Variants in TFAP4 observed in about 807,000 individuals in gnomAD.
The protein encoded by TFAP4 is activating enhancer-binding protein 4.
A neutral mutation model predicts 40.4 loss-of-function variants in TFAP4; 7 were observed. That is an observed-to-expected ratio of 0.17 (90% CI 0.10 to 0.33). The LOEUF (loss-of-function observed/expected upper bound fraction) is 0.33. Ranked by LOEUF, TFAP4 falls within the 10% of genes least tolerant of loss-of-function variation. The pLI, the probability that TFAP4 is intolerant of heterozygous loss-of-function variation, is 1.00. For synonymous variants in TFAP4, 218 were observed against 181.4 expected (o/e 1.20, Z -1.62); for missense variants, 374 against 451.1 (o/e 0.83, Z 1.55).
intron 6 of TFAP4, among the ~76,000 whole-genome samples, chr16:4,259,130 T>A (rs751176240): frequency 6.6e-6 from 1 of 151,852 alleles, no homozygotes. Flanking sequence ...ACCTTTCATA[T>A]GTTTTTGTTT....
chr16:4,267,296 A>T (rs1172888741), intron 1 of TFAP4: 4 of 152,326 alleles, frequency 2.6e-5, no homozygotes, highest in Non-Finnish European at 4.4e-5. Context: ...GGCCTCCCAA[A>T]GTGCTGGGAT....
At chr16:4,260,676 C>G (rs2052940101) in intron 4 of TFAP4, 81 bp from the exon 5 acceptor site, 5 of 1,466,876 alleles carry the variant, frequency 3.4e-6, no homozygotes, top group Non-Finnish European at 3.6e-6. Context: ...CTCATTCACT[C>G]CTGCTGAAAA....
At chr16:4,268,359 T>C (rs1008058199) in intron 1 of TFAP4, among the ~76,000 whole-genome samples, 3 of 152,132 alleles carry the variant, frequency 2.0e-5, no homozygotes, top group Non-Finnish European at 4.4e-5. Context: ...TGCACCCAGG[T>C]GTCCAGGACA....
rs1202062068 is a variant in TFAP4, at chr16:4,261,342, C to T, written c.525+437G>A. The stretch of plus-strand genomic sequence containing the variant: ...TCTCCCAGACTGGAGTGCAGTGGCA[C>T]GATCTCGGCTCACTGCAAGCTCTGC... On this transcript the variant is annotated intron_variant, in intron 4 of 6. Coordinates refer to ENST00000204517, the MANE Select transcript of TFAP4 (RefSeq NM_003223.3). Among the ~76,000 whole-genome samples the T allele has an allele frequency of 2.0e-5, 3 of 151,830 alleles. No homozygotes were observed. The East Asian group carries it at 5.8e-4, about 29-fold the overall frequency.
At chr16:4,267,777 A>G (rs1396290084) in intron 1 of TFAP4, among the ~76,000 whole-genome samples, 1 of 152,222 alleles carries the variant, frequency 6.6e-6, no homozygotes, top group Non-Finnish European at 1.5e-5. Context: ...TCCCAAACCC[A>G]AAAAAGCACT....
Position 4,258,028 on chromosome 16 carries a change from G to T in TFAP4, c.*27C>A, listed in dbSNP as rs371516876. On this transcript the variant is annotated 3_prime_UTR_variant, in exon 7 of 7. Transcript: ENST00000204517. The stretch of plus-strand genomic sequence containing the variant: ...CTGCCCCGGCTCCCTCCAGCCCCCA[G>T]AAGGGAGAGGAGGGCTGGGGGGGTA... 80 of 1,599,916 alleles carry T rather than the reference G, an allele frequency of 5.0e-5. No individual in the cohort carries two copies. In the African/African-American group the frequency reaches 8.6e-4, roughly 17 times the overall value.
chr16:4,272,947 C>CGTGTGTGTGTGTGTGTGTGT lies in TFAP4; in HGVS notation c.-202_-201insACACACACACACACACACAC, dbSNP rs1400638855. On this transcript the variant is annotated 5_prime_UTR_variant, in exon 1 of 7. Transcript: ENST00000204517. Reference sequence around the variant, plus strand: ...GGTCTCTCCGGCCTGCCTCCCCGGGCGTGTGTATGTGTGTGTGTGTGTGTG... The same window carrying CGTGTGTGTGTGTGTGTGTGT: ...GGTCTCTCCGGCCTGCCTCCCCGGGCGTGTGTGTGTGTGTGTGTGTGTGTGTATGTGTGTGTGTGTGTGTG... 2.2e-6 allele frequency: 1 copy of CGTGTGTGTGTGTGTGTGTGT among 458,522 alleles called. No individual in the cohort carries two copies. The highest frequency in any genetic ancestry group is 2.7e-5 in the African/African-American group (1 of 36,450). The allele number at this position is 458,522 out of a possible 1,614,324, so 28.4% of individuals were successfully genotyped here.
Position 4,259,601 on chromosome 16 carries a change from C to G in TFAP4, c.822+489G>C, listed in dbSNP as rs190833233. Among the ~76,000 whole-genome samples the G allele has an allele frequency of 1.1e-4, 17 of 152,020 alleles. 1 individual carries two copies. The East Asian group carries it at 3.3e-3, about 29-fold the overall frequency. On this transcript the variant is annotated intron_variant, in intron 6 of 6. Coordinates refer to ENST00000204517, the MANE Select transcript of TFAP4 (RefSeq NM_003223.3). ...TTATTTATTTATTATTTACTGATTT[C>G]TGATCTTGGGCTCCTCAAGGGGCCC...
At chr16:4,262,952 A>G in intron 1 of TFAP4, 1 of 526,268 alleles carries the variant, frequency 1.9e-6, no homozygotes, top group Non-Finnish European at 3.4e-6. Flanking sequence ...AAGGCCAAGG[A>G]TCATTGAGCC....
chr16:4,269,170 G>A (rs1008301550), intron 1 of TFAP4, among the ~76,000 whole-genome samples: 1 of 149,694 alleles, frequency 6.7e-6, no homozygotes, highest in African/African-American at 2.4e-5. Context: ...TTACAGGCTT[G>A]AGCCACCGAG....
At chr16:4,269,087 T>A (rs575522801) in intron 1 of TFAP4, among the ~76,000 whole-genome samples, 50 of 146,862 alleles carry the variant, frequency 3.4e-4, no homozygotes, top group African/African-American at 1.2e-3. Flanking sequence ...GGGGTCTTGC[T>A]ATGTTGCCCA....
chr16:4,263,899 G>A (rs1597313567), intron 1 of TFAP4: 1 of 152,864 alleles, frequency 6.5e-6, no homozygotes, highest in African/African-American at 2.4e-5. Context: ...TTGGGCTTGT[G>A]TGTGGCCTGG....
intron 6 of TFAP4, 91 bp downstream of exon 6, chr16:4,259,999 T>C: frequency 6.9e-7 from 1 of 1,447,604 alleles, no homozygotes. Flanking sequence ...ACCATCTTCC[T>C]CCGCTTCTGC....
chr16:4,269,982 A>G (rs1458127287), intron 1 of TFAP4, among the ~76,000 whole-genome samples: 2 of 152,256 alleles, frequency 1.3e-5, no homozygotes, highest in Non-Finnish European at 2.9e-5. Flanking sequence ...GGGGTTCGAG[A>G]CCAGCCTGGC....
chr16:4,260,215 G>A lies in TFAP4; in HGVS notation c.697C>T (p.Pro233Ser). 2 of 1,565,560 alleles carry A rather than the reference G, an allele frequency of 1.3e-6. No homozygotes were observed. Among genetic ancestry groups the A allele is most frequent in the Non-Finnish European group, 1.7e-6 (2 of 1,158,828 alleles). ...LLPPPAPTHH[P>S]TVIVPAPPPP... ...GGCGGTGCTGGCACGATCACCGTGG[G>A]GTGGTGGGTGGGGGCCGGAGGGGGC... is the stretch of plus-strand genomic sequence containing the variant. The change falls in exon 6 of 7, where the codon CCC (proline) becomes TCC (serine). Residue 233 changes from proline (P) to serine (S), a missense_variant. Coordinates refer to ENST00000204517, the MANE Select transcript of TFAP4 (RefSeq NM_003223.3).
intron 1 of TFAP4, among the ~76,000 whole-genome samples, chr16:4,270,821 C>T (rs1386471828): frequency 6.6e-6 from 1 of 152,210 alleles, no homozygotes; most frequent in Non-Finnish European, 1.5e-5. Context: ...GTAGGCACAG[C>T]GGCTCAACTG....
At chr16:4,261,075 C>A in intron 4 of TFAP4, among the ~76,000 whole-genome samples, 1 of 152,104 alleles carries the variant, frequency 6.6e-6, no homozygotes, top group East Asian at 1.9e-4. Context: ...CTCAAGCAAT[C>A]CTCCCAGCTC....
rs2053050441 is a variant in TFAP4, at chr16:4,272,880, C to CGGCGGCGAGGGGAGGGAGGCG, written c.-155_-135dup. The CGGCGGCGAGGGGAGGGAGGCG allele has an allele frequency of 1.0e-5, 1 of 98,236 alleles. No individual in the cohort carries two copies. The highest frequency in any genetic ancestry group is 1.9e-5 in the Non-Finnish European group (1 of 54,036). 6.1% of individuals were successfully genotyped at this position (98,236 alleles called of 1,614,324 possible). ...CGGTCCCAGATGCTGGCGGCGGCGG[C>CGGCGGCGAGGGGAGGGAGGCG]GGCGGCGAGGGGAGGGAGGCGGGCG... On this transcript the variant is annotated 5_prime_UTR_variant, in exon 1 of 7. Coordinates refer to ENST00000204517, the MANE Select transcript of TFAP4 (RefSeq NM_003223.3).
chr16:4,259,754 C>T (rs1268528331), intron 6 of TFAP4, among the ~76,000 whole-genome samples: 2 of 152,258 alleles, frequency 1.3e-5, no homozygotes, highest in South Asian at 4.1e-4. Flanking sequence ...GGAGCTGAGA[C>T]AATGTTCCGG....
Sources: allele counts gnomAD v4.1 joint callset (sites outside exome capture counted in the v4.1 genomes callset), GRCh38; gene constraint gnomAD v4.1.1; transcripts MANE v1.5; gene names NCBI Gene and HGNC (gene_info 2026-07-23, HGNC 2026-07-21).